Variants in ADSS1 observed in about 807,000 individuals in gnomAD.
The protein encoded by ADSS1 is adenylosuccinate synthetase isozyme 1.
ADSS1 carries 57 observed loss-of-function variants against 59.1 expected under a neutral mutation model. The observed-to-expected ratio is 0.97, with a 90% CI of 0.78 to 1.20. ADSS1 has a LOEUF of 1.20. Ranked by LOEUF, ADSS1 falls within the 50% of genes most tolerant of loss-of-function variation. The probability of loss-of-function intolerance (pLI) is 0.00; values close to 1 mark genes in which losing one functional copy is unlikely to be tolerated. For missense variants in ADSS1, 603 were observed against 610.3 expected, an observed-to-expected ratio of 0.99 and a Z score of 0.13; for synonymous variants, 247 against 249.4, an observed-to-expected ratio of 0.99 and a Z score of 0.09.
intron 1 of ADSS1, among the ~76,000 whole-genome samples, chr14:104,732,319 A>G (rs541371500): frequency 3.3e-4 from 50 of 152,294 alleles, no homozygotes; most frequent in Non-Finnish European, 6.0e-4. Flanking sequence ...GCTGGAGGAA[A>G]GGCAGGAGGA....
In ADSS1 at chr14:104,740,689, T is replaced by A; in HGVS notation, c.565T>A (p.Phe189Ile). 2 of 1,613,764 alleles carry A rather than the reference T, an allele frequency of 1.2e-6. No individual in the cohort carries two copies. The highest frequency in any genetic ancestry group is 1.7e-6 in the Non-Finnish European group (2 of 1,179,978). ...GLRICDLLSD[F>I]DEFSSRFKNL... is the part of the protein sequence containing the mutation. ...CCGCATCTGCGACCTCCTGTCAGATTTTGATGAGTTTTCCTCCAGGTACCT... is the reference window on the plus strand; with the variant it reads ...CCGCATCTGCGACCTCCTGTCAGATATTGATGAGTTTTCCTCCAGGTACCT... Residue 189 changes from phenylalanine to isoleucine, a missense_variant, in exon 6 of 13, where the codon TTT (phenylalanine) becomes ATT (isoleucine). Transcript: ENST00000330877. This position sits in a 1 kb window ranked among gnomAD's most constrained non-coding sequence, Gnocchi z 4.8.
chr14:104,733,670 T>C (rs541621234), intron 1 of ADSS1, among the ~76,000 whole-genome samples: 2 of 152,116 alleles, frequency 1.3e-5, no homozygotes, highest in African/African-American at 2.4e-5. Flanking sequence ...CCCCCATGCG[T>C]AGACAAGTTG....
chr14:104,735,815 C>G (rs1187580439), intron 2 of ADSS1, among the ~76,000 whole-genome samples: 1 of 152,232 alleles, frequency 6.6e-6, no homozygotes, highest in Non-Finnish European at 1.5e-5. Context: ...GAAGCCTGCT[C>G]TGTGCACCCT....
At chr14:104,735,905 C>T (rs922433873) in intron 2 of ADSS1, among the ~76,000 whole-genome samples, 19 of 152,226 alleles carry the variant, frequency 1.2e-4, no homozygotes, top group Admixed American at 5.9e-4. Flanking sequence ...CAGGCCCCTT[C>T]TTGTACTTTC....
chr14:104,741,267 C>T lies in ADSS1; in HGVS notation c.793+24C>T, dbSNP rs1891342959. 2.6e-6 allele frequency: 4 copies of T among 1,532,684 alleles called. No homozygotes were observed. In the Admixed American group the frequency reaches 8.2e-5, roughly 32 times the overall value. The allele number at this position is 1,532,684 out of a possible 1,614,324, so 94.9% of individuals were successfully genotyped here. A position where few individuals can be genotyped will look rare whatever the true frequency, so the allele number is the denominator to read the frequency against. On this transcript the variant is annotated intron_variant, in intron 8 of 12. Transcript: ENST00000330877. Reference sequence around the variant, plus strand: ...CGGTATGTCCGGGAGGGTGTGCGTGCCAACGACCTTTCGTGCCTGCCAGGG... The same window carrying T: ...CGGTATGTCCGGGAGGGTGTGCGTGTCAACGACCTTTCGTGCCTGCCAGGG...
chr14:104,736,698 G>T (rs1394637952), intron 2 of ADSS1, among the ~76,000 whole-genome samples: 6 of 151,960 alleles, frequency 3.9e-5, no homozygotes, highest in African/African-American at 1.5e-4. Flanking sequence ...TAGAGCTCAG[G>T]AGTGTATTTG....
rs1595217747 is a variant in ADSS1 at position 104,747,154 on chromosome 14, A to G, written c.*151A>G. ...TTCTGTTCAACCTGTTGGTTTCTAC[A>G]ATGATTTTAAACATTGGAAAGCCAG... On this transcript the variant is annotated 3_prime_UTR_variant, in exon 13 of 13. Coordinates refer to ENST00000330877, the MANE Select transcript of ADSS1 (RefSeq NM_152328.5). The G allele has an allele frequency of 3.0e-6, 2 of 659,638 alleles. No homozygotes were observed. Among genetic ancestry groups the G allele is most frequent in the East Asian group, 5.8e-5 (2 of 34,656 alleles). 40.9% of individuals were successfully genotyped at this position (659,638 alleles called of 1,614,324 possible). A position where few individuals can be genotyped will look rare whatever the true frequency, so the allele number is the denominator to read the frequency against.
rs557737974 is a variant in ADSS1, at chr14:104,730,041, A to G, written c.193-4979A>G. 9.8e-5 allele frequency: 155 copies of G among 1,577,726 alleles called. No individual in the cohort carries two copies. In the South Asian group the frequency reaches 1.6e-3, roughly 17 times the overall value. On this transcript the variant is annotated intron_variant, in intron 1 of 12. Coordinates refer to ENST00000330877, the MANE Select transcript of ADSS1 (RefSeq NM_152328.5). ...AGGAGTCTCCAGTTACTGAGTGGCC[A>G]CTCCGTGCCAGCTCAGCCCACCCCT...
rs967066788 is a variant in ADSS1 at position 104,740,044 on chromosome 14, G to A, written c.476+228G>A. Among the ~76,000 whole-genome samples the A allele has an allele frequency of 1.3e-5, 2 of 152,106 alleles. No homozygotes were observed. Among genetic ancestry groups the A allele is most frequent in the African/African-American group, 2.4e-5 (1 of 41,388 alleles). On this transcript the variant is annotated intron_variant, in intron 5 of 12. Transcript: ENST00000330877. This position sits in a 1 kb window ranked among gnomAD's most constrained non-coding sequence, Gnocchi z 4.8. ...TGTCCTTGCCGGCTGCCACTGCCAC[G>A]CGGCTCCCCCCAGGAGTGCATAAGC...
At chr14:104,728,981 G>A (rs980248664) in intron 1 of ADSS1, among the ~76,000 whole-genome samples, 1 of 152,234 alleles carries the variant, frequency 6.6e-6, no homozygotes, top group Non-Finnish European at 1.5e-5. Context: ...GTTGAGGCAC[G>A]GCGCCGTCAG....
At position 104,741,272 on chromosome 14, in the gene ADSS1, G is replaced by A. The variant is rs371471108; in HGVS notation, c.793+29G>A. The A allele has an allele frequency of 1.6e-5, 24 of 1,528,034 alleles. No individual in the cohort carries two copies. The African/African-American group carries it at 1.8e-4, about 11-fold the overall frequency. The allele number at this position is 1,528,034 out of a possible 1,614,324, so 94.7% of individuals were successfully genotyped here. A position where few individuals can be genotyped will look rare whatever the true frequency, so the allele number is the denominator to read the frequency against. On this transcript the variant is annotated intron_variant, in intron 8 of 12. Transcript: ENST00000330877. Reference sequence around the variant, plus strand: ...TGTCCGGGAGGGTGTGCGTGCCAACGACCTTTCGTGCCTGCCAGGGAAGAC... The same window carrying A: ...TGTCCGGGAGGGTGTGCGTGCCAACAACCTTTCGTGCCTGCCAGGGAAGAC...
At position 104,741,975 on chromosome 14, in the gene ADSS1, C is replaced by G; in HGVS notation, c.921C>G (p.Ile307Met). Residue 307 changes from isoleucine to methionine, a missense_variant, in exon 9 of 13, where the codon ATC (isoleucine) becomes ATG (methionine). Coordinates refer to ENST00000330877, the MANE Select transcript of ADSS1 (RefSeq NM_152328.5). ...AAGCCTATACCACACGTGTGGGCATCGGGGCCTTCCCCACCGAGCAGATCA... is the reference window on the plus strand; with the variant it reads ...AAGCCTATACCACACGTGTGGGCATGGGGGCCTTCCCCACCGAGCAGATCA... ...VVKAYTTRVG[I>M]GAFPTEQINE... The G allele has an allele frequency of 1.9e-6, 3 of 1,613,112 alleles. No individual in the cohort carries two copies. Among genetic ancestry groups the G allele is most frequent in the Non-Finnish European group, 2.5e-6 (3 of 1,179,958 alleles).
Position 104,746,823 on chromosome 14 carries a change from C to T in ADSS1, c.1322-128C>T, listed in dbSNP as rs1412871147. ...CTTCATAACTTAAAAATTAGAACTG[C>T]CTCCATTTGGAGAGAAAATAGCCCC... On this transcript the variant is annotated intron_variant, in intron 12 of 12. Transcript: ENST00000330877. 1.1e-5 allele frequency: 10 copies of T among 943,026 alleles called. 1 individual carries two copies. The highest frequency in any genetic ancestry group is 2.2e-4 in the Middle Eastern group (1 of 4,568). 58.4% of individuals were successfully genotyped at this position (943,026 alleles called of 1,614,324 possible). A position where few individuals can be genotyped will look rare whatever the true frequency, so the allele number is the denominator to read the frequency against.
In ADSS1 at chr14:104,747,016, C is replaced by G. The variant is rs1260252391; in HGVS notation, c.*13C>G. 1 of 1,611,748 alleles carries G rather than the reference C, an allele frequency of 6.2e-7. No homozygotes were observed. On this transcript the variant is annotated 3_prime_UTR_variant, in exon 13 of 13. Transcript: ENST00000330877. The stretch of plus-strand genomic sequence containing the variant: ...CCAGCTGTTTTAGTCACAGACTGAG[C>G]TGATCCCAACAGGCCCTGGCAGCGT...
At position 104,734,272 on chromosome 14, in the gene ADSS1, G is replaced by A. The variant is rs556185235; in HGVS notation, c.193-748G>A. Among the ~76,000 whole-genome samples the A allele has an allele frequency of 4.6e-5, 7 of 152,348 alleles. No individual in the cohort carries two copies. The South Asian group carries it at 1.4e-3, about 32-fold the overall frequency. On this transcript the variant is annotated intron_variant, in intron 1 of 12. Transcript: ENST00000330877. ...GCAGCAGGGGACACCCACTGGACCT[G>A]TGCCCTGCTGAGCAGAGCCAAGCAA...
chr14:104,744,133 G>A (rs937339177), intron 10 of ADSS1, among the ~76,000 whole-genome samples: 1 of 152,198 alleles, frequency 6.6e-6, no homozygotes, highest in Non-Finnish European at 1.5e-5. Flanking sequence ...CCATGCTCAC[G>A]GGCTGGACAC....
At chr14:104,739,604 T>C (rs1891258658) in intron 4 of ADSS1, 146 bp from the exon 5 acceptor site, 1 of 989,694 alleles carries the variant, frequency 1.0e-6, no homozygotes, top group Admixed American at 2.1e-5. Flanking sequence ...CAGACACTCA[T>C]GGTCACACCC....
At chr14:104,735,384 GCCTGATCCCTGATC>G (rs66802280) in intron 2 of ADSS1, among the ~76,000 whole-genome samples, 32 of 152,206 alleles carry the variant, frequency 2.1e-4, no homozygotes, top group Middle Eastern at 3.4e-3. Context: ...GAGCGGGAGT[GCCTGATCCCTGATC>G]CCTGATCCCT....
At position 104,738,409 on chromosome 14, in the gene ADSS1, T is replaced by A; in HGVS notation, c.329T>A (p.Phe110Tyr). 1 of 1,613,882 alleles carries A rather than the reference T, an allele frequency of 6.2e-7. No individual in the cohort carries two copies. Among genetic ancestry groups the A allele is most frequent in the South Asian group, 1.1e-5 (1 of 91,076 alleles). ...GTGGTCATCCACTTGCCAGGCTTGT[T>A]TGAGGAAGCAGAGAAGAATGAAAAG... ...NGVVIHLPGL[F>Y]EEAEKNEKKG... is the part of the protein sequence containing the mutation. The change falls in exon 3 of 13, where the codon TTT (phenylalanine) becomes TAT (tyrosine). Residue 110 changes from phenylalanine to tyrosine, a missense_variant. Transcript: ENST00000330877.
Sources: allele counts gnomAD v4.1 joint callset (sites outside exome capture counted in the v4.1 genomes callset), GRCh38; gene constraint gnomAD v4.1.1; non-coding constraint Gnocchi (gnomAD v3.1); transcripts MANE v1.5; gene names NCBI Gene and HGNC (gene_info 2026-07-23, HGNC 2026-07-21).